The following TCTN1 variants were observed in gnomAD, a reference collection of about 807,000 sequenced individuals.
The protein encoded by TCTN1 is tectonic family member 1, also known as tectonic-1.
In TCTN1, 58 loss-of-function variants were observed where a neutral mutation model predicts 65.8. The ratio of observed to expected loss-of-function variants is 0.88; its 90% CI spans 0.71 to 1.10. The LOEUF (loss-of-function observed/expected upper bound fraction) is 1.10, where lower values mean the gene tolerates loss of function less well. Ranked by LOEUF, TCTN1 falls within the 50% of genes least tolerant of loss-of-function variation. The pLI, the probability that TCTN1 is intolerant of heterozygous loss-of-function variation, is 0.00. For synonymous variants in TCTN1, 273 were observed against 289.1 expected, an observed-to-expected ratio of 0.94 and a Z score of 0.57; for missense variants, 645 against 719.4, an observed-to-expected ratio of 0.90 and a Z score of 1.18.
rs945520957 is a variant in TCTN1 at position 110,639,310 on chromosome 12, T to A, written c.844-1073T>A. ...ATGGCTTGATGCCTTGTTACTCTGC[T>A]GGTGGTGGCCATGAATGCAAAACGT... On this transcript the variant is annotated intron_variant, in intron 7 of 14. Transcript: ENST00000397659. This position sits in a 1 kb window ranked among gnomAD's most constrained non-coding sequence, Gnocchi z 4.9. 6.6e-6 allele frequency among the ~76,000 whole-genome samples: 1 copy of A among 152,240 alleles called. No homozygotes were observed. The highest frequency in any genetic ancestry group is 1.5e-5 in the Non-Finnish European group (1 of 68,038).
intron 14 of TCTN1, chr12:110,648,730 A>G (rs2067590202): frequency 4.0e-6 from 1 of 248,714 alleles, no homozygotes; most frequent in Admixed American, 5.7e-5. Context: ...TTGCTCTCCG[A>G]CTGGCAGGCT....
At chr12:110,622,419 G>A (rs1029131454) in intron 2 of TCTN1, among the ~76,000 whole-genome samples, 2 of 152,138 alleles carry the variant, frequency 1.3e-5, no homozygotes, top group South Asian at 2.1e-4. Flanking sequence ...AGAGCTTACC[G>A]TCGAGTAAGG....
chr12:110,634,503 C>T, intron 5 of TCTN1, 167 bp from the exon 6 acceptor site: 1 of 635,780 alleles, frequency 1.6e-6, no homozygotes, highest in Middle Eastern at 4.4e-4. Context: ...ACGGTGAAAC[C>T]TTGTCTCTAC....
intron 7 of TCTN1, 74 bp downstream of exon 7, chr12:110,636,575 A>T (rs965353861): frequency 6.5e-6 from 6 of 922,398 alleles, no homozygotes; most frequent in Non-Finnish European, 1.0e-5. Context: ...GAGCCCTTTT[A>T]AATGAATACA....
chr12:110,631,986 C>G (rs2066267960), intron 4 of TCTN1, among the ~76,000 whole-genome samples: 1 of 152,056 alleles, frequency 6.6e-6, no homozygotes, highest in Non-Finnish European at 1.5e-5. Flanking sequence ...GGCTATAAGC[C>G]TAATAGCTAT....
At chr12:110,642,604 T>C (rs532382065) in intron 11 of TCTN1, among the ~76,000 whole-genome samples, 1 of 152,278 alleles carries the variant, frequency 6.6e-6, no homozygotes, top group East Asian at 1.9e-4. Context: ...TGTATGTTTC[T>C]TTTTCTTTTT....
At position 110,641,084 on chromosome 12, in the gene TCTN1, G is replaced by A. The variant is rs199967338; in HGVS notation, c.1039G>A (p.Val347Ile). The A allele has an allele frequency of 2.4e-5, 39 of 1,614,076 alleles. No individual in the cohort carries two copies. The highest frequency in any genetic ancestry group is 1.6e-4 in the Middle Eastern group (1 of 6,084). Residue 347 changes from valine to isoleucine, a missense_variant, in exon 9 of 15, where the codon GTT (valine) becomes ATT (isoleucine). Physicochemically the swap from Val to Ile is conservative, Grantham distance 29. Transcript: ENST00000397659. ...GEVTKADLSFVLGTVSSVVVP... is the reference protein window; with the variant it reads ...GEVTKADLSFILGTVSSVVVP... Reference sequence around the variant, plus strand: ...AGTCACCAAAGCTGATCTCTCATTCGTTCTGGGGACAGTTAGCAGCGTAGT... The same window carrying A: ...AGTCACCAAAGCTGATCTCTCATTCATTCTGGGGACAGTTAGCAGCGTAGT...
intron 10 of TCTN1, chr12:110,641,930 C>A: frequency 3.7e-6 from 2 of 536,510 alleles, no homozygotes; most frequent in South Asian, 2.5e-5. Context: ...TGTTTTACAA[C>A]GAAAATCTTA....
chr12:110,620,810 CTTTTTTTTTTT>C (rs1216049794), intron 2 of TCTN1, among the ~76,000 whole-genome samples: 1 of 133,330 alleles, frequency 7.5e-6, no homozygotes, highest in East Asian at 2.1e-4. Context: ...TTCAAGGCTT[CTTTTTTTTTTT>C]TTTTTTTATG....
At chr12:110,626,776 T>G (rs1363495111) in intron 3 of TCTN1, among the ~76,000 whole-genome samples, 12 of 147,152 alleles carry the variant, frequency 8.2e-5, no homozygotes, top group Admixed American at 6.8e-4. Flanking sequence ...TTTTTTTTTT[T>G]TTTTTTTTTT....
chr12:110,616,233 T>C (rs1361846992), intron 1 of TCTN1: 1 of 447,220 alleles, frequency 2.2e-6, no homozygotes, highest in East Asian at 7.0e-5. Flanking sequence ...GGGGATGAAT[T>C]TGTGCTTGTC....
Position 110,640,317 on chromosome 12 carries a change from G to A in TCTN1, c.844-66G>A, listed in dbSNP as rs2066869925. 5 of 1,608,976 alleles carry A rather than the reference G, an allele frequency of 3.1e-6. No homozygotes were observed. The highest frequency in any genetic ancestry group is 4.3e-6 in the Non-Finnish European group (5 of 1,176,128). The stretch of plus-strand genomic sequence containing the variant: ...ATCAGGGGAGGTTTCTTTCCAGTTG[G>A]TTGGTTATTTTAGCCCATCCTCCCT... On this transcript the variant is annotated intron_variant, in intron 7 of 14. Transcript: ENST00000397659. The surrounding 1 kb of genome is among the most constrained non-coding windows in gnomAD (Gnocchi z 4.9).
intron 12 of TCTN1, chr12:110,646,411 G>A (rs1468500378): frequency 1.3e-5 from 2 of 150,682 alleles, no homozygotes; most frequent in African/African-American, 4.9e-5. Flanking sequence ...TTTTTTTAAT[G>A]AAAAAATGTC....
chr12:110,629,610 T>G (rs2066087936), intron 4 of TCTN1: 1 of 152,212 alleles, frequency 6.6e-6, no homozygotes, highest in African/African-American at 2.4e-5. Context: ...CTGGAGAGGA[T>G]ATGGAGAAAT....
intron 5 of TCTN1, chr12:110,634,412 C>G (rs1338793214): frequency 3.7e-6 from 2 of 536,376 alleles, no homozygotes; most frequent in Non-Finnish European, 7.1e-6. Flanking sequence ...CGTACTGGTT[C>G]ACACCTGTAA....
At chr12:110,629,020 G>A (rs2066044421) in intron 4 of TCTN1, 102 bp downstream of exon 4, 1 of 1,365,414 alleles carries the variant, frequency 7.3e-7, no homozygotes, top group Middle Eastern at 1.8e-4. Context: ...TTGAGACAGA[G>A]TTGATATTAT....
At chr12:110,617,059 T>C (rs1032601089) in intron 1 of TCTN1, among the ~76,000 whole-genome samples, 4 of 152,226 alleles carry the variant, frequency 2.6e-5, no homozygotes, top group African/African-American at 9.6e-5. Context: ...TCGTCCTTAG[T>C]AGTCTTACAG....
chr12:110,631,753 T>C (rs1211822776), intron 4 of TCTN1, among the ~76,000 whole-genome samples: 1 of 152,270 alleles, frequency 6.6e-6, no homozygotes, highest in Non-Finnish European at 1.5e-5. Context: ...TTCTCATATA[T>C]ACATACATTT....
chr12:110,646,260 AT>A (rs1206334090), intron 12 of TCTN1: 1 of 150,926 alleles, frequency 6.6e-6, no homozygotes, highest in Non-Finnish European at 1.5e-5. Flanking sequence ...AGAACAGGGT[AT>A]TCGAGAGGAT....
Sources: gnomAD v4.1 joint callset for allele counts (sites outside exome capture counted in the v4.1 genomes callset) on GRCh38, gnomAD v4.1.1 for gene constraint, Gnocchi (gnomAD v3.1) non-coding constraint, MANE v1.5 for transcripts, NCBI Gene and HGNC (gene_info 2026-07-23, HGNC 2026-07-21) for gene names.